Variants in FRMD4A observed in about 807,000 individuals in gnomAD.
FRMD4A encodes the protein FERM domain-containing protein 4A.
FRMD4A carries 29 observed loss-of-function variants against 129.1 expected under a neutral mutation model. That is an observed-to-expected ratio of 0.22 (90% confidence interval 0.17 to 0.31). FRMD4A has a LOEUF of 0.31. Among genes scored for constraint, FRMD4A ranks in the 10% least tolerant of loss-of-function variants. The pLI is 1.00. For missense variants in FRMD4A, 1,272 were observed against 1,375.8 expected (o/e 0.92, Z 1.19); for synonymous variants, 634 against 571.6 (o/e 1.11, Z -1.56).
chr10:13,710,352 G>C (rs920461347), intron 12 of FRMD4A: 3 of 152,266 alleles, frequency 2.0e-5, no homozygotes, highest in Non-Finnish European at 4.4e-5. Flanking sequence ...CACAAACCAA[G>C]CTTTGCTTTA....
At chr10:13,705,358 A>G (rs1373805813) in intron 13 of FRMD4A, among the ~76,000 whole-genome samples, 1 of 152,154 alleles carries the variant, frequency 6.6e-6, no homozygotes, top group East Asian at 1.9e-4. Context: ...ACGAACACAC[A>G]TGTGCAGATA....
At chr10:13,898,689 C>G (rs150595689) in intron 2 of FRMD4A, among the ~76,000 whole-genome samples, 481 of 152,304 alleles carry the variant, frequency 3.2e-3, no homozygotes, top group African/African-American at 0.01. Flanking sequence ...TTGCTAGGGT[C>G]TCACTATTGG....
At chr10:14,201,472 G>A (rs929650411) in intron 2 of FRMD4A, among the ~76,000 whole-genome samples, 1 of 152,186 alleles carries the variant, frequency 6.6e-6, no homozygotes, top group East Asian at 1.9e-4. Flanking sequence ...GAATAACTTG[G>A]GGGGAAATAA....
intron 2 of FRMD4A, among the ~76,000 whole-genome samples, chr10:13,898,266 GGGAGGTGGAGAATTACTTGAACCCA>G (rs1229579714): frequency 6.6e-6 from 1 of 152,048 alleles, no homozygotes; most frequent in African/African-American, 2.4e-5. Flanking sequence ...CCAGCTACTT[GGGAGGTGGAGAATTACTTGAACCCA>G]GGAGGTGGAG....
At chr10:14,179,296 C>A (rs987433947) in intron 2 of FRMD4A, among the ~76,000 whole-genome samples, 9 of 152,170 alleles carry the variant, frequency 5.9e-5, no homozygotes, top group Admixed American at 2.6e-4. Flanking sequence ...AAGATTGTGA[C>A]CTAAGCACCG....
intron 2 of FRMD4A, among the ~76,000 whole-genome samples, chr10:14,196,116 T>C (rs549601740): frequency 6.6e-6 from 1 of 152,024 alleles, no homozygotes; most frequent in African/African-American, 2.4e-5. Flanking sequence ...AGCTTGACCA[T>C]AAACACACAG....
chr10:13,796,276 C>A (rs567978871), intron 5 of FRMD4A, among the ~76,000 whole-genome samples: 8 of 152,194 alleles, frequency 5.3e-5, no homozygotes, highest in Non-Finnish European at 1.0e-4. Flanking sequence ...CATCCTAGTG[C>A]AAATGCATAA....
At chr10:13,988,268 A>G (rs2095589449) in intron 2 of FRMD4A, among the ~76,000 whole-genome samples, 2 of 152,242 alleles carry the variant, frequency 1.3e-5, no homozygotes, top group South Asian at 2.1e-4. Context: ...TCAGGTCTGT[A>G]GGACTTCGCA....
At chr10:13,959,103 G>C (rs1461695140) in intron 2 of FRMD4A, among the ~76,000 whole-genome samples, 2 of 152,184 alleles carry the variant, frequency 1.3e-5, no homozygotes, top group African/African-American at 4.8e-5. Flanking sequence ...GCACTTGCAA[G>C]TATGAGAATC....
chr10:14,195,602 C>T (rs1037999228), intron 2 of FRMD4A, among the ~76,000 whole-genome samples: 2 of 152,204 alleles, frequency 1.3e-5, no homozygotes, highest in Non-Finnish European at 1.5e-5. Context: ...TCTGACTCTT[C>T]GTGCAGTGAG....
intron 17 of FRMD4A, among the ~76,000 whole-genome samples, chr10:13,666,675 C>T (rs2083064515): frequency 1.3e-5 from 2 of 152,174 alleles, no homozygotes; most frequent in Non-Finnish European, 2.9e-5. Context: ...AAGTGACTGT[C>T]ACTTCCTTTC....
intron 19 of FRMD4A, among the ~76,000 whole-genome samples, chr10:13,662,573 G>T (rs376285069): frequency 6.6e-6 from 1 of 152,108 alleles, no homozygotes; most frequent in Non-Finnish European, 1.5e-5. Context: ...TTTCTTCCCC[G>T]ACGTATGGTG....
chr10:13,968,174 C>T (rs1302319370), intron 2 of FRMD4A, among the ~76,000 whole-genome samples: 1 of 152,178 alleles, frequency 6.6e-6, no homozygotes, highest in Non-Finnish European at 1.5e-5. Context: ...AACACCTAAG[C>T]CCCGGATCAA....
intron 2 of FRMD4A, among the ~76,000 whole-genome samples, chr10:13,912,520 ATTTTT>A (rs57865883): frequency 0.65 from 81,541 of 126,322 alleles, 27,061 homozygotes; most frequent in South Asian, 0.77. Context: ...ACATAATAGA[ATTTTT>A]TTTTTTTTTT....
intron 2 of FRMD4A, among the ~76,000 whole-genome samples, chr10:14,029,344 C>G (rs1012549224): frequency 6.6e-6 from 1 of 151,736 alleles, no homozygotes; most frequent in African/African-American, 2.4e-5. Context: ...GTGGGCAGAT[C>G]GTTCTTCTAG....
At chr10:13,652,603 G>GTGTT (rs1230704451) in intron 23 of FRMD4A, 1 of 152,826 alleles carries the variant, frequency 6.5e-6, no homozygotes, top group African/African-American at 2.4e-5. Flanking sequence ...GGGTGGGTGA[G>GTGTT]TGTTAATGAT....
intron 2 of FRMD4A, among the ~76,000 whole-genome samples, chr10:14,093,132 C>A (rs1276397848): frequency 6.6e-6 from 1 of 152,140 alleles, no homozygotes; most frequent in Middle Eastern, 3.2e-3. Context: ...ACTGTGCCTG[C>A]CTTCCTGATC....
chr10:13,749,048 C>T (rs2091434511), intron 8 of FRMD4A, among the ~76,000 whole-genome samples: 1 of 152,150 alleles, frequency 6.6e-6, no homozygotes, highest in Non-Finnish European at 1.5e-5. Flanking sequence ...GGTCTGCATC[C>T]CCTCTGGGCC....
intron 14 of FRMD4A, among the ~76,000 whole-genome samples, chr10:13,695,385 C>T (rs2086120370): frequency 6.6e-6 from 1 of 152,184 alleles, no homozygotes; most frequent in Admixed American, 6.5e-5. Context: ...AGGTGATCCG[C>T]CCGCTGCAGC....
Sources: allele counts gnomAD v4.1 joint callset (sites outside exome capture counted in the v4.1 genomes callset), GRCh38; gene constraint gnomAD v4.1.1; transcripts MANE v1.5; gene names NCBI Gene and HGNC (gene_info 2026-07-23, HGNC 2026-07-21).